The following NPHP3 variants were observed in gnomAD, a reference collection of about 807,000 sequenced individuals.
The protein encoded by NPHP3 is nephrocystin-3.
NPHP3 carries 123 observed loss-of-function variants against 171.9 expected under a neutral mutation model. That is an observed-to-expected ratio of 0.72 (90% CI 0.62 to 0.83). The LOEUF (loss-of-function observed/expected upper bound fraction) is 0.83, where lower values mean the gene tolerates loss of function less well. Among genes scored for constraint, NPHP3 ranks in the 40% least tolerant of loss-of-function variants. The pLI is 0.00. For synonymous variants in NPHP3, 558 were observed against 579.2 expected (o/e 0.96, Z 0.52); for missense variants, 1,506 against 1,591.9 (o/e 0.95, Z 0.92).
rs587783022 is a variant in NPHP3, at chr3:132,700,342, T to G, written c.1735A>C (p.Thr579Pro). The G allele has an allele frequency of 6.3e-7, 1 of 1,593,050 alleles. No individual in the cohort carries two copies. Among genetic ancestry groups the G allele is most frequent in the East Asian group, 2.2e-5 (1 of 44,744 alleles). The change falls in exon 11 of 27, where the codon ACT becomes CCT. Residue 579 changes from threonine (T) to proline (P), a missense_variant. Thr to Pro is a conservative substitution (Grantham distance 38). Around this residue, in one of 3 missense-constraint regions of NPHP3, gnomAD observed 930 missense variants for 924.9 expected, o/e 1.01. Transcript: ENST00000337331. ...SESSLIIKRL[T>P]LKLMQHSWSV... is the part of the protein sequence containing the mutation. ...AAGATGGGATACTATACCTTTAGAG[T>G]TAGTCGTTTAATAATCAAGGAGGAC...
At chr3:132,706,448 C>T (rs1274546330) in intron 7 of NPHP3, among the ~76,000 whole-genome samples, 1 of 151,108 alleles carries the variant, frequency 6.6e-6, no homozygotes, top group Non-Finnish European at 1.5e-5. Flanking sequence ...TATTTCCATA[C>T]CACTCAACAT....
At chr3:132,687,694 C>T (rs939457967) in intron 21 of NPHP3, among the ~76,000 whole-genome samples, 4 of 152,050 alleles carry the variant, frequency 2.6e-5, no homozygotes, top group Admixed American at 6.5e-5. Flanking sequence ...AAAATTTGTA[C>T]GAAGCAATAC....
intron 6 of NPHP3, chr3:132,712,315 G>A (rs917353448): frequency 2.9e-5 from 12 of 415,060 alleles, no homozygotes; most frequent in Non-Finnish European, 5.7e-5. Context: ...TGTATCCAAA[G>A]AAAGAAAAGA....
At chr3:132,684,513 G>A (rs150805499) in intron 24 of NPHP3, 41 bp downstream of exon 24, 185 of 1,607,686 alleles carry the variant, frequency 1.2e-4, no homozygotes, top group Middle Eastern at 8.4e-4. Context: ...TGGCTTAACT[G>A]ATATGTTATA....
At chr3:132,692,881 A>T in intron 16 of NPHP3, 63 bp from the exon 17 acceptor site, 1 of 1,348,188 alleles carries the variant, frequency 7.4e-7, no homozygotes, top group Non-Finnish European at 1.1e-6. Context: ...AACGGCCATT[A>T]AAAGTTCCAT....
intron 3 of NPHP3, chr3:132,717,340 T>G: frequency 5.9e-6 from 1 of 170,494 alleles, no homozygotes; most frequent in South Asian, 1.3e-4. Flanking sequence ...CATAAACTCT[T>G]TGCAGCAGGA....
At chr3:132,718,639 T>C (rs1048714502) in intron 3 of NPHP3, among the ~76,000 whole-genome samples, 1 of 152,252 alleles carries the variant, frequency 6.6e-6, no homozygotes, top group African/African-American at 2.4e-5. Context: ...GAAGTGATCT[T>C]AGGTTGTACC....
intron 5 of NPHP3, among the ~76,000 whole-genome samples, chr3:132,713,877 C>A (rs1939978836): frequency 6.6e-6 from 1 of 152,098 alleles, no homozygotes; most frequent in East Asian, 1.9e-4. Context: ...TGAATAATAT[C>A]ACAAAGGAAA....
Position 132,715,307 on chromosome 3 carries a change from T to C in NPHP3, c.824-89A>G, listed in dbSNP as rs6765919. ...AGTTTTAAAAACATAACAGGCATCA[T>C]AGAATGGAATCTGATCTTACATGTT... On this transcript the variant is annotated intron_variant, in intron 4 of 26. Transcript: ENST00000337331. 32,956 of 1,044,870 alleles carry C rather than the reference T, an allele frequency of 0.032. 957 individuals are homozygous for C. The highest frequency in any genetic ancestry group is 0.13 in the African/African-American group (7,994 of 63,612). The allele number at this position is 1,044,870 out of a possible 1,614,324, so 64.7% of individuals were successfully genotyped here.
rs1006698644 is a variant in NPHP3 at position 132,713,167 on chromosome 3, T to C, written c.1077A>G (p.Lys359=). ...YLTVRKWEIE[K]SSLVILFIHL... ...GAATAAATAAAATAACTAAAGAACT[T>C]TTCTCAATTTCCCATTTTCTTACAG... is the stretch of plus-strand genomic sequence containing the variant. The change falls in exon 6 of 27, where the codon AAA becomes AAG. Residue 359 remains lysine (K), a synonymous_variant. Coordinates refer to ENST00000337331, the MANE Select transcript of NPHP3 (RefSeq NM_153240.5). 1 of 1,511,804 alleles carries C rather than the reference T, an allele frequency of 6.6e-7. No individual in the cohort carries two copies. The highest frequency in any genetic ancestry group is 9.1e-7 in the Non-Finnish European group (1 of 1,100,684). 93.6% of individuals were successfully genotyped at this position (1,511,804 alleles called of 1,614,324 possible).
chr3:132,697,458 C>T (rs1939485160), intron 13 of NPHP3, 96 bp from the exon 14 acceptor site: 2 of 760,394 alleles, frequency 2.6e-6, no homozygotes, highest in African/African-American at 3.5e-5. Flanking sequence ...GGAATTAACA[C>T]TTTATACTGC....
rs1939039013 is a variant in NPHP3 at position 132,681,843 on chromosome 3, T to TCAAATGTTC, written c.*58_*66dup. On this transcript the variant is annotated 3_prime_UTR_variant, in exon 27 of 27. Coordinates refer to ENST00000337331, the MANE Select transcript of NPHP3 (RefSeq NM_153240.5). ...ACAACATTTTTTTAAAGTTTCAAAT[T>TCAAATGTTC]CAAATGTTCCAAATGTTTAATTATT... The TCAAATGTTC allele has an allele frequency of 7.0e-7, 1 of 1,428,158 alleles. No individual in the cohort carries two copies. Among genetic ancestry groups the TCAAATGTTC allele is most frequent in the Non-Finnish European group, 9.9e-7 (1 of 1,013,452 alleles). The allele number at this position is 1,428,158 out of a possible 1,614,324, so 88.5% of individuals were successfully genotyped here.
Position 132,697,259 on chromosome 3 carries a change from C to A in NPHP3, c.2088+1G>T. 6.3e-7 allele frequency: 1 copy of A among 1,579,352 alleles called. No homozygotes were observed. Among genetic ancestry groups the A allele is most frequent in the Non-Finnish European group, 8.7e-7 (1 of 1,149,732 alleles). Reference sequence around the variant, plus strand: ...ATTGCATCAAAATGAAAAATACACACCTGCTCTTTACTCAATTTAATGTCT... The same window carrying A: ...ATTGCATCAAAATGAAAAATACACAACTGCTCTTTACTCAATTTAATGTCT... On this transcript the variant is annotated splice_donor_variant, in intron 14 of 26. Transcript: ENST00000337331. LOFTEE classifies it high-confidence loss of function.
chr3:132,721,604 G>C (rs1000307539), intron 1 of NPHP3: 2 of 390,250 alleles, frequency 5.1e-6, no homozygotes, highest in East Asian at 1.3e-4. Context: ...ACACTTTCCG[G>C]CTAATTTCTT....
chr3:132,705,931 A>T (rs1939735632), intron 7 of NPHP3, 117 bp from the exon 8 acceptor site: 1 of 583,926 alleles, frequency 1.7e-6, no homozygotes, highest in Non-Finnish European at 3.2e-6. Context: ...AACACATATT[A>T]GCTAATTTAT....
intron 7 of NPHP3, among the ~76,000 whole-genome samples, chr3:132,706,616 T>C (rs1939762440): frequency 6.6e-6 from 1 of 152,044 alleles, no homozygotes; most frequent in Non-Finnish European, 1.5e-5. Flanking sequence ...CTACTAATAT[T>C]TGATACAATT....
At chr3:132,707,298 A>G (rs1939780610) in intron 7 of NPHP3, among the ~76,000 whole-genome samples, 1 of 152,020 alleles carries the variant, frequency 6.6e-6, no homozygotes, top group Admixed American at 6.5e-5. Context: ...CCCCATCTCT[A>G]TAAAAATTTT....
intron 6 of NPHP3, among the ~76,000 whole-genome samples, 193 bp from the exon 7 acceptor site, chr3:132,708,450 TAC>T (rs1359514437): frequency 6.6e-6 from 1 of 152,214 alleles, no homozygotes; most frequent in Non-Finnish European, 1.5e-5. Flanking sequence ...TAAAATATAA[TAC>T]ATTCATTAGC....
rs1476558800 is a variant in NPHP3, at chr3:132,704,274, T to C, written c.1448A>G (p.Asp483Gly). 3 of 1,614,064 alleles carry C rather than the reference T, an allele frequency of 1.9e-6. No homozygotes were observed. Among genetic ancestry groups the C allele is most frequent in the East Asian group, 2.2e-5 (1 of 44,890 alleles). The stretch of plus-strand genomic sequence containing the variant: ...CATTTGCTCTTGTTCATCATGTATG[T>C]CCCACAGAACATCACCAAAATCATC... Reference protein sequence around the residue: ...EEDDFGDVLWDIHDEQEQMET... With the variant: ...EEDDFGDVLWGIHDEQEQMET... The change falls in exon 9 of 27, where the codon GAC (aspartate) becomes GGC (glycine). Residue 483 changes from aspartate (D) to glycine (G), a missense_variant. By Grantham distance (94) the Asp-to-Gly change is moderately conservative. This residue lies in a region of NPHP3 where 930 missense variants were observed against 924.9 expected (regional missense o/e 1.01). Coordinates refer to ENST00000337331, the MANE Select transcript of NPHP3 (RefSeq NM_153240.5).
Sources: allele counts gnomAD v4.1 joint callset (sites outside exome capture counted in the v4.1 genomes callset), GRCh38; gene constraint gnomAD v4.1.1; regional missense constraint gnomAD v4.1.1; transcripts MANE v1.5; gene names NCBI Gene and HGNC (gene_info 2026-07-23, HGNC 2026-07-21).